RNASEH1: variants seen among roughly 807,000 people sequenced by gnomAD.
RNASEH1 encodes the protein ribonuclease H1.
A neutral mutation model predicts 34.6 loss-of-function variants in RNASEH1; 27 were observed. The observed-to-expected ratio is 0.78, with a 90% CI of 0.58 to 1.08. The LOEUF (loss-of-function observed/expected upper bound fraction) is 1.08. Among genes scored for constraint, RNASEH1 ranks in the 50% least tolerant of loss-of-function variants. The pLI is 0.00. For missense variants in RNASEH1, 349 were observed against 373.6 expected (o/e 0.93, Z 0.54); for synonymous variants, 162 against 138.4 (o/e 1.17, Z -1.20).
chr2:3,552,641 C>T (rs1031114588), intron 2 of RNASEH1, among the ~76,000 whole-genome samples: 9 of 148,690 alleles, frequency 6.1e-5, no homozygotes, highest in East Asian at 2.1e-4. Context: ...ATCTCAATCC[C>T]CTCCACAGCA....
chr2:3,551,882 T>C (rs574371213), intron 3 of RNASEH1, among the ~76,000 whole-genome samples: 5 of 152,370 alleles, frequency 3.3e-5, no homozygotes, highest in East Asian at 3.9e-4. Context: ...CGTTAAGTAC[T>C]GCATGCACAG....
chr2:3,552,220 T>C lies in RNASEH1; in HGVS notation c.333A>G (p.Ala111=), dbSNP rs775171538. 1 of 1,613,624 alleles carries C rather than the reference T, an allele frequency of 6.2e-7. No homozygotes were observed. The part of the protein sequence containing the change: ...EPLDGDGHES[A]EPYAKHMKPS... ...GCTTCATGTGCTTTGCATACGGCTC[T>C]GCGCTTTCATGTCCATCTCCATCCA... The change falls in exon 3 of 8, where the codon GCA becomes GCG. Residue 111 remains alanine (A), a synonymous_variant. Transcript: ENST00000315212.
rs915154781 is a variant in RNASEH1, at chr2:3,552,002, G to A, written c.409+142C>T. 6 of 657,844 alleles carry A rather than the reference G, an allele frequency of 9.1e-6. No homozygotes were observed. In the African/African-American group the frequency reaches 1.1e-4, roughly 12 times the overall value. 40.8% of individuals were successfully genotyped at this position (657,844 alleles called of 1,614,324 possible). On this transcript the variant is annotated intron_variant, in intron 3 of 7. Transcript: ENST00000315212. ...TACTTGATTATAAATAATGGCCTTA[G>A]TGATTTCTAAATAATCTTTACACAT...
rs997056614 is a variant in RNASEH1, at chr2:3,557,974, C to T, written c.128+159G>A. The T allele has an allele frequency of 8.0e-6, 12 of 1,494,678 alleles. No homozygotes were observed. The East Asian group carries it at 2.3e-4, about 29-fold the overall frequency. The allele number at this position is 1,494,678 out of a possible 1,614,324, so 92.6% of individuals were successfully genotyped here. Reference sequence around the variant, plus strand: ...GGCCATGAGCCTCCTGGAACCCCGCCGGCCGAGCAGGAAAACGAGGCGGTC... The same window carrying T: ...GGCCATGAGCCTCCTGGAACCCCGCTGGCCGAGCAGGAAAACGAGGCGGTC... On this transcript the variant is annotated intron_variant, in intron 1 of 7. Coordinates refer to ENST00000315212, the MANE Select transcript of RNASEH1 (RefSeq NM_002936.6).
chr2:3,549,245 C>A, intron 4 of RNASEH1, 133 bp from the exon 5 acceptor site: 1 of 779,438 alleles, frequency 1.3e-6, no homozygotes, highest in Non-Finnish European at 2.2e-6. Flanking sequence ...ATCAAACTAA[C>A]AGACTCCCAG....
rs1463484104 is a variant in RNASEH1, at chr2:3,542,180, C to G, written c.*3605G>C. Among the ~76,000 whole-genome samples, 1 of 152,110 alleles carries G rather than the reference C, an allele frequency of 6.6e-6. No homozygotes were observed. The highest frequency in any genetic ancestry group is 1.5e-5 in the Non-Finnish European group (1 of 68,026). On this transcript the variant is annotated 3_prime_UTR_variant, in exon 8 of 8. Coordinates refer to ENST00000315212, the MANE Select transcript of RNASEH1 (RefSeq NM_002936.6). ...AGCAAGAAAAATGTAACACTAAACT[C>G]CAGTTCAAGCAAATCTTCTTAAAAT...
chr2:3,554,137 C>T (rs936048326), intron 2 of RNASEH1, among the ~76,000 whole-genome samples: 9 of 152,178 alleles, frequency 5.9e-5, no homozygotes, highest in African/African-American at 1.9e-4. Flanking sequence ...CTAAGGGCGC[C>T]GGGCAACACT....
chr2:3,551,999 T>C, intron 3 of RNASEH1, 145 bp downstream of exon 3: 1 of 646,516 alleles, frequency 1.5e-6, no homozygotes. Context: ...AATAATGGCC[T>C]TAGTGATTTC....
Position 3,545,794 on chromosome 2 carries a change from C to CGATTGT in RNASEH1, c.846_851dup (p.Gln283_Ser284dup). On this transcript the variant is annotated inframe_insertion, in exon 8 of 8. Coordinates refer to ENST00000315212, the MANE Select transcript of RNASEH1 (RefSeq NM_002936.6). Reference sequence around the variant, plus strand: ...ACTAAAGTCACATGGCTCAGTCTTCCGATTGTTTAGCTCCTTCTCTGGCTA... The same window carrying CGATTGT: ...ACTAAAGTCACATGGCTCAGTCTTCCGATTGTGATTGTTTAGCTCCTTCTCTGGCTA... 6.2e-7 allele frequency: 1 copy of CGATTGT among 1,612,476 alleles called. No homozygotes were observed. Among genetic ancestry groups the CGATTGT allele is most frequent in the Non-Finnish European group, 8.5e-7 (1 of 1,178,492 alleles).
rs1485946919 is a variant in RNASEH1, at chr2:3,550,142, T to TTAA, written c.509+230_509+231insTTA. 1.7e-5 allele frequency: 4 copies of TTAA among 241,376 alleles called. No individual in the cohort carries two copies. In the African/African-American group the frequency reaches 1.8e-4, roughly 11 times the overall value. 15.0% of individuals were successfully genotyped at this position (241,376 alleles called of 1,614,324 possible). A position where few individuals can be genotyped will look rare whatever the true frequency, so the allele number is the denominator to read the frequency against. ...TGGGCAACAGTGTGAGACCGTGTCT[T>TTAA]AAAAAAAAAAAAAAAAAAAAAAAAA... On this transcript the variant is annotated intron_variant, in intron 4 of 7. Coordinates refer to ENST00000315212, the MANE Select transcript of RNASEH1 (RefSeq NM_002936.6).
Position 3,558,310 on chromosome 2 carries a change from C to A in RNASEH1, c.-50G>T, listed in dbSNP as rs528226453. 1.4e-6 allele frequency: 2 copies of A among 1,473,792 alleles called. No homozygotes were observed. The highest frequency in any genetic ancestry group is 1.5e-5 in the African/African-American group (1 of 68,626). The allele number at this position is 1,473,792 out of a possible 1,614,324, so 91.3% of individuals were successfully genotyped here. On this transcript the variant is annotated 5_prime_UTR_variant, in exon 1 of 8. Coordinates refer to ENST00000315212, the MANE Select transcript of RNASEH1 (RefSeq NM_002936.6). ...ATTTCGACTCCCGGCCCAGCGTGGG[C>A]GCGAGCCGCCGGCGCTCAACACCGC...
chr2:3,556,430 C>T (rs369794392), intron 2 of RNASEH1, among the ~76,000 whole-genome samples: 5 of 151,756 alleles, frequency 3.3e-5, no homozygotes, highest in South Asian at 4.2e-4. Context: ...CTCAGCCTCC[C>T]GAGTAGCTGG....
intron 1 of RNASEH1, 125 bp downstream of exon 1, chr2:3,558,008 A>G: frequency 6.8e-7 from 1 of 1,481,410 alleles, no homozygotes; most frequent in Non-Finnish European, 9.0e-7. Context: ...TCCCCCGACC[A>G]CCCACAGCCA....
At chr2:3,537,900 G>T (rs1668067822), downstream of RNASEH1, among the ~76,000 whole-genome samples, 1 of 152,044 alleles carries the variant, frequency 6.6e-6, no homozygotes. Context: ...AGCTGGGCAT[G>T]GTGGTGCATG....
chr2:3,554,899 A>C (rs1414902182), intron 2 of RNASEH1, among the ~76,000 whole-genome samples: 1 of 152,232 alleles, frequency 6.6e-6, no homozygotes, highest in South Asian at 2.1e-4. Context: ...AACAGCGAGG[A>C]GGCGGCTCAG....
At chr2:3,532,257 T>C in the RNASEH1 span, 4 of 702,214 alleles carry the variant, frequency 5.7e-6, no homozygotes, top group East Asian at 1.1e-4. Context: ...ATGACCCTCA[T>C]GTTATCTCCT....
Position 3,543,611 on chromosome 2 carries a change from C to T in RNASEH1, c.*2174G>A, listed in dbSNP as rs968616808. On this transcript the variant is annotated 3_prime_UTR_variant, in exon 8 of 8. Transcript: ENST00000315212. Reference sequence around the variant, plus strand: ...GAAACCCACCAAGTATGCTTAACTCCACAAATTCTTTTTTTTTTTTAAGAC... The same window carrying T: ...GAAACCCACCAAGTATGCTTAACTCTACAAATTCTTTTTTTTTTTTAAGAC... Among the ~76,000 whole-genome samples, 6 of 151,940 alleles carry T rather than the reference C, an allele frequency of 3.9e-5. No homozygotes were observed. Among genetic ancestry groups the T allele is most frequent in the Admixed American group, 2.6e-4 (4 of 15,258 alleles).
At chr2:3,557,188 C>A (rs1322073477) in intron 1 of RNASEH1, among the ~76,000 whole-genome samples, 1 of 152,062 alleles carries the variant, frequency 6.6e-6, no homozygotes, top group Non-Finnish European at 1.5e-5. Flanking sequence ...TCTTTTTATG[C>A]GTATTTTAAA....
At chr2:3,556,329 C>T (rs1439744384) in intron 2 of RNASEH1, among the ~76,000 whole-genome samples, 3 of 130,966 alleles carry the variant, frequency 2.3e-5, no homozygotes, top group East Asian at 2.1e-4. Context: ...TTTTTTTTGA[C>T]GAGTCTTGCC....
Sources: gnomAD v4.1 joint callset for allele counts (sites outside exome capture counted in the v4.1 genomes callset) on GRCh38, gnomAD v4.1.1 for gene constraint, MANE v1.5 for transcripts, NCBI Gene and HGNC (gene_info 2026-07-23, HGNC 2026-07-21) for gene names.